TFDP2: variants seen among roughly 807,000 people sequenced by gnomAD.
The protein encoded by TFDP2 is transcription factor Dp-2 (E2F dimerization partner 2).
A neutral mutation model predicts 59.3 loss-of-function variants in TFDP2; 17 were observed. The observed-to-expected ratio is 0.29, with a 90% confidence interval of 0.20 to 0.43. The LOEUF is 0.43. Among genes scored for constraint, TFDP2 ranks in the 20% least tolerant of loss-of-function variants. The pLI is 1.00. For missense variants in TFDP2, 391 were observed against 528.8 expected (o/e 0.74, Z 2.56); for synonymous variants, 180 against 194.7 (o/e 0.92, Z 0.63).
intron 3 of TFDP2, among the ~76,000 whole-genome samples, chr3:142,037,137 T>C (rs1208758001): frequency 1.3e-5 from 2 of 152,220 alleles, no homozygotes; most frequent in Admixed American, 6.5e-5. Context: ...AGTAACATGA[T>C]AAATTCTTAA....
chr3:141,960,495 C>T (rs1937220272), intron 10 of TFDP2, among the ~76,000 whole-genome samples: 1 of 152,196 alleles, frequency 6.6e-6, no homozygotes, highest in Non-Finnish European at 1.5e-5. Context: ...AAGACACAGT[C>T]CTTCCGACTC....
chr3:142,054,838 GA>G (rs1459508334), intron 3 of TFDP2, among the ~76,000 whole-genome samples: 1 of 152,124 alleles, frequency 6.6e-6, no homozygotes, highest in Non-Finnish European at 1.5e-5. Flanking sequence ...ATCAAGTGGG[GA>G]AAGACAGTGT....
intron 8 of TFDP2, among the ~76,000 whole-genome samples, chr3:141,973,123 A>ATTTTTTTTTTTTTTTTT (rs761950988): frequency 3.4e-5 from 2 of 58,028 alleles, no homozygotes; most frequent in Non-Finnish European, 7.4e-5. Flanking sequence ...ATATATATAT[A>ATTTTTTTTTTTTTTTTT]TTTTTTTTTT....
chr3:142,093,533 GAGATTTTAC>G (rs1449313532), intron 2 of TFDP2, among the ~76,000 whole-genome samples: 1 of 152,104 alleles, frequency 6.6e-6, no homozygotes, highest in Non-Finnish European at 1.5e-5. Context: ...GAGCAGAACT[GAGATTTTAC>G]AGATTTTACT....
chr3:141,992,054 A>AG (rs1173685279), intron 6 of TFDP2, among the ~76,000 whole-genome samples: 1 of 148,798 alleles, frequency 6.7e-6, no homozygotes, highest in Non-Finnish European at 1.5e-5. Context: ...AAAAAAAAAA[A>AG]AAGAAAGAAA....
intron 1 of TFDP2, among the ~76,000 whole-genome samples, chr3:142,129,564 T>C (rs1217672076): frequency 1.3e-5 from 2 of 151,934 alleles, no homozygotes; most frequent in Non-Finnish European, 2.9e-5. Context: ...TTGATAAGGG[T>C]TTCATATCTA....
At chr3:142,063,512 ATCTATGATAAACATCTCTGTC>A (rs967577925) in intron 3 of TFDP2, among the ~76,000 whole-genome samples, 2 of 152,240 alleles carry the variant, frequency 1.3e-5, no homozygotes, top group African/African-American at 2.4e-5. Context: ...TATAATAAAC[ATCTATGATAAACATCTCTGTC>A]TGTGTCTACA....
At chr3:141,973,123 A>ATATATATATATATTTTTTTTTTTTT in intron 8 of TFDP2, among the ~76,000 whole-genome samples, 6 of 58,022 alleles carry the variant, frequency 1.0e-4, no homozygotes, top group Non-Finnish European at 1.9e-4. Flanking sequence ...ATATATATAT[A>ATATATATATATATTTTTTTTTTTTT]TTTTTTTTTT....
Position 141,952,248 on chromosome 3 carries a change from G to C in TFDP2, c.*265C>G. On this transcript the variant is annotated 3_prime_UTR_variant, in exon 13 of 13. Transcript: ENST00000489671. ...TGCACTCACACTGCCAACTCTTCAG[G>C]GATTATCCCCACTATCTCCTCAGAA... 1 of 320,008 alleles carries C rather than the reference G, an allele frequency of 3.1e-6. No individual in the cohort carries two copies. The highest frequency in any genetic ancestry group is 6.3e-5 in the East Asian group (1 of 15,954). 19.8% of individuals were successfully genotyped at this position (320,008 alleles called of 1,614,324 possible). A position where few individuals can be genotyped will look rare whatever the true frequency, so the allele number is the denominator to read the frequency against.
chr3:142,043,696 C>CCGTGATTG (rs1947150536), intron 3 of TFDP2: 1 of 1,104,838 alleles, frequency 9.1e-7, no homozygotes. Context: ...GCGTTCTTCA[C>CCGTGATTG]CGTGCTTGCG....
chr3:141,989,569 G>A (rs1213231167), intron 6 of TFDP2: 4 of 152,166 alleles, frequency 2.6e-5, no homozygotes, highest in African/African-American at 9.7e-5. Flanking sequence ...TGGGATAAGA[G>A]GTACAAGGGG....
chr3:142,002,587 G>A (rs374828024), intron 4 of TFDP2, among the ~76,000 whole-genome samples: 6 of 151,958 alleles, frequency 3.9e-5, no homozygotes, highest in East Asian at 3.9e-4. Flanking sequence ...TCATGACCAC[G>A]GAGGTAATCT....
chr3:142,074,179 C>T (rs148818201), intron 3 of TFDP2, among the ~76,000 whole-genome samples: 7,664 of 149,632 alleles, frequency 0.051, 629 homozygotes, highest in African/African-American at 0.17. Context: ...AGGCCGAGGG[C>T]GGGTGGATCA....
At chr3:142,068,882 T>C (rs559696148) in intron 3 of TFDP2, among the ~76,000 whole-genome samples, 3 of 152,144 alleles carry the variant, frequency 2.0e-5, no homozygotes, top group East Asian at 1.9e-4. Context: ...TTTAAACTAA[T>C]AGTTATATAC....
intron 3 of TFDP2, chr3:142,043,529 A>C: frequency 1.7e-6 from 1 of 571,932 alleles, no homozygotes; most frequent in Non-Finnish European, 3.1e-6. Context: ...ACACTCGGCT[A>C]ATTTATTTTT....
chr3:142,099,480 TTACCTG>T (rs770959436), intron 2 of TFDP2, among the ~76,000 whole-genome samples: 1 of 152,224 alleles, frequency 6.6e-6, no homozygotes, highest in East Asian at 1.9e-4. Flanking sequence ...GGCAGGCAGA[TTACCTG>T]AGGTCGGGAG....
chr3:142,124,662 A>T (rs73236012), intron 1 of TFDP2, among the ~76,000 whole-genome samples: 11 of 152,184 alleles, frequency 7.2e-5, no homozygotes, highest in African/African-American at 1.7e-4. Flanking sequence ...ATCTTTCTAA[A>T]TATGAAACCA....
intron 3 of TFDP2, among the ~76,000 whole-genome samples, chr3:142,082,163 T>C (rs1298791828): frequency 6.6e-6 from 1 of 152,210 alleles, no homozygotes; most frequent in Non-Finnish European, 1.5e-5. Context: ...TGTTGTGAAC[T>C]GTGCATGTGA....
chr3:142,114,328 GT>G (rs1440092838), intron 1 of TFDP2, among the ~76,000 whole-genome samples: 4 of 151,970 alleles, frequency 2.6e-5, no homozygotes, highest in Admixed American at 2.6e-4. Context: ...GTCCTAAGCA[GT>G]TTTCATTTTA....
Sources: gnomAD v4.1 joint callset for allele counts (sites outside exome capture counted in the v4.1 genomes callset) on GRCh38, gnomAD v4.1.1 for gene constraint, MANE v1.5 for transcripts, NCBI Gene and HGNC (gene_info 2026-07-23, HGNC 2026-07-21) for gene names.